PTPRN2: variants seen among roughly 807,000 people sequenced by gnomAD.
The protein encoded by PTPRN2 is receptor-type tyrosine-protein phosphatase N2.
A neutral mutation model predicts 118.8 loss-of-function variants in PTPRN2; 74 were observed. The observed-to-expected ratio is 0.62, with a 90% CI of 0.52 to 0.76. PTPRN2 has a LOEUF of 0.76. Ranked by LOEUF, PTPRN2 falls within the 30% of genes least tolerant of loss-of-function variation. The probability of loss-of-function intolerance (pLI) is 0.00; values close to 1 mark genes in which losing one functional copy is unlikely to be tolerated. For synonymous variants in PTPRN2, 641 were observed against 608.0 expected (o/e 1.05, Z -0.80); for missense variants, 1,481 against 1,394.4 (o/e 1.06, Z -0.99).
chr7:158,318,999 G>A (rs968977204), intron 2 of PTPRN2, among the ~76,000 whole-genome samples: 3 of 152,142 alleles, frequency 2.0e-5, no homozygotes, highest in South Asian at 2.1e-4. Context: ...ATTTTGGAAC[G>A]TTCCAAGCAA....
intron 3 of PTPRN2, among the ~76,000 whole-genome samples, chr7:158,268,921 C>A (rs377562234): frequency 6.6e-6 from 1 of 151,636 alleles, no homozygotes; most frequent in Non-Finnish European, 1.5e-5. Context: ...ATATCCCAGC[C>A]GCGTGCACAC....
chr7:158,289,108 T>C (rs1356901903), intron 3 of PTPRN2, among the ~76,000 whole-genome samples: 1 of 149,544 alleles, frequency 6.7e-6, no homozygotes. Context: ...ATCCTCTTTG[T>C]CTTTGATTTT....
Position 157,587,462 on chromosome 7 carries a change from AAGAACT to A in PTPRN2, c.2496+7770_2496+7775del, listed in dbSNP as rs1439512574. The stretch of plus-strand genomic sequence containing the variant: ...TTCAGGATTTTTTCTTAACCATAGT[AAGAACT>A]ATGATCTACAGATGCCAAATAATAA... On this transcript the variant is annotated intron_variant, in intron 17 of 22. Transcript: ENST00000389418. This position sits in a 1 kb window ranked among gnomAD's most constrained non-coding sequence, Gnocchi z 5.3. 6.6e-6 allele frequency among the ~76,000 whole-genome samples: 1 copy of A among 152,250 alleles called. No homozygotes were observed. Among genetic ancestry groups the A allele is most frequent in the African/African-American group, 2.4e-5 (1 of 41,456 alleles).
At chr7:158,256,167 G>A (rs1161188704) in intron 3 of PTPRN2, among the ~76,000 whole-genome samples, 2 of 152,210 alleles carry the variant, frequency 1.3e-5, no homozygotes, top group Non-Finnish European at 2.9e-5. Flanking sequence ...TGGGCAGGGA[G>A]TGTTGACGAC....
chr7:158,184,977 CA>C (rs1046618777), intron 5 of PTPRN2, among the ~76,000 whole-genome samples: 1 of 152,086 alleles, frequency 6.6e-6, no homozygotes, highest in African/African-American at 2.4e-5. Context: ...TGGGTTTTGC[CA>C]AATGCTTTTT....
intron 3 of PTPRN2, 27 bp from the exon 4 acceptor site, chr7:158,205,300 G>T: frequency 6.4e-7 from 1 of 1,564,338 alleles, no homozygotes; most frequent in Non-Finnish European, 8.8e-7. Context: ...CAAAAATTAT[G>T]TCATCATTTT....
At position 158,408,824 on chromosome 7, in the gene PTPRN2, G is replaced by A. The variant is rs555242121; in HGVS notation, c.163+80911C>T. Among the ~76,000 whole-genome samples, 5 of 152,006 alleles carry A rather than the reference G, an allele frequency of 3.3e-5. 1 individual carries two copies. Among genetic ancestry groups the A allele is most frequent in the African/African-American group, 9.7e-5 (4 of 41,446 alleles). On this transcript the variant is annotated intron_variant, in intron 2 of 22. Transcript: ENST00000389418. ...ATGCTTGAGATAAAACGCTGCTAAC[G>A]TCAACACTGGACTCACCCCAGTCAT...
Position 158,439,884 on chromosome 7 carries a change from C to T in PTPRN2, c.163+49851G>A, listed in dbSNP as rs187282831. On this transcript the variant is annotated intron_variant, in intron 2 of 22. Transcript: ENST00000389418. The stretch of plus-strand genomic sequence containing the variant: ...CTGCAATGTGGAAATAATTTTGCAA[C>T]GTGGAAATACTGAGGCCTGGGGCTG... 1.5e-3 allele frequency among the ~76,000 whole-genome samples: 230 copies of T among 152,272 alleles called. 2 individuals are homozygous for T. The highest frequency in any genetic ancestry group is 4.9e-3 in the African/African-American group (204 of 41,544).
intron 3 of PTPRN2, among the ~76,000 whole-genome samples, chr7:158,243,511 T>G (rs950297434): frequency 2.0e-5 from 3 of 152,224 alleles, no homozygotes; most frequent in Non-Finnish European, 4.4e-5. Flanking sequence ...ACTCGTGTTT[T>G]CCAGATGGTT....
intron 11 of PTPRN2, among the ~76,000 whole-genome samples, chr7:158,047,455 G>A (rs6459831): frequency 0.48 from 72,798 of 152,108 alleles, 18,013 homozygotes; most frequent in Non-Finnish European, 0.52. Flanking sequence ...TGTGCTGTGC[G>A]AGGCCTGCCT....
chr7:158,185,032 G>T (rs2150673193), intron 5 of PTPRN2, among the ~76,000 whole-genome samples: 1 of 152,270 alleles, frequency 6.6e-6, no homozygotes, highest in South Asian at 2.1e-4. Context: ...TAACTATGGT[G>T]AGTTATGTTG....
At chr7:158,318,478 G>A (rs1260081277) in intron 2 of PTPRN2, among the ~76,000 whole-genome samples, 2 of 152,156 alleles carry the variant, frequency 1.3e-5, no homozygotes, top group East Asian at 3.9e-4. Context: ...AGAGGAGGGA[G>A]TGAGCCACGG....
At chr7:158,188,534 C>CT (rs1825451510) in intron 5 of PTPRN2, among the ~76,000 whole-genome samples, 3 of 66,732 alleles carry the variant, frequency 4.5e-5, no homozygotes, top group South Asian at 5.5e-4. Flanking sequence ...CGCTCGCCGC[C>CT]TGATGGGGAA....
chr7:157,994,215 G>T (rs1428567572), intron 11 of PTPRN2, among the ~76,000 whole-genome samples: 1 of 152,172 alleles, frequency 6.6e-6, no homozygotes, highest in African/African-American at 2.4e-5. Flanking sequence ...GTCAGGGCAG[G>T]TGACTCGCTC....
chr7:158,071,359 AGGTGCTCATGGTGG>A (rs1563390696), intron 11 of PTPRN2, among the ~76,000 whole-genome samples: 24 of 88,538 alleles, frequency 2.7e-4, no homozygotes, highest in African/African-American at 1.2e-3. Flanking sequence ...GTGGTGGTGG[AGGTGCTCATGGTGG>A]TGGAGGTGCT....
chr7:157,673,860 TTGTC>T (rs1268053431), intron 13 of PTPRN2, among the ~76,000 whole-genome samples: 2 of 150,776 alleles, frequency 1.3e-5, no homozygotes, highest in African/African-American at 4.8e-5. Context: ...GGTCACAGTG[TTGTC>T]TGTTTCCGGG....
At chr7:157,924,364 G>A (rs991508907) in intron 11 of PTPRN2, among the ~76,000 whole-genome samples, 2 of 152,200 alleles carry the variant, frequency 1.3e-5, no homozygotes, top group Non-Finnish European at 2.9e-5. Context: ...TGCAGCTGGC[G>A]AGGTGCACAG....
intron 12 of PTPRN2, among the ~76,000 whole-genome samples, chr7:157,713,203 C>T (rs889278512): frequency 3.0e-5 from 3 of 99,592 alleles, no homozygotes; most frequent in South Asian, 4.0e-4. Context: ...TACTCAGACC[C>T]TCATCTCCAT....
chr7:158,077,625 T>C (rs140561630), intron 11 of PTPRN2, among the ~76,000 whole-genome samples: 1 of 152,028 alleles, frequency 6.6e-6, no homozygotes, highest in Admixed American at 6.5e-5. Context: ...GAGGGAATGT[T>C]TGAAGAAACA....
Sources: allele counts gnomAD v4.1 joint callset (sites outside exome capture counted in the v4.1 genomes callset), GRCh38; gene constraint gnomAD v4.1.1; non-coding constraint Gnocchi (gnomAD v3.1); transcripts MANE v1.5; gene names NCBI Gene and HGNC (gene_info 2026-07-23, HGNC 2026-07-21).